MYO18B: variants seen among roughly 807,000 people sequenced by gnomAD.
The protein encoded by MYO18B is unconventional myosin-XVIIIb.
In MYO18B, 204 loss-of-function variants were observed where a neutral mutation model predicts 273.0. The ratio of observed to expected loss-of-function variants is 0.75; its 90% CI spans 0.67 to 0.84. The LOEUF (loss-of-function observed/expected upper bound fraction) is 0.84. Among genes scored for constraint, MYO18B ranks in the 40% least tolerant of loss-of-function variants. The pLI, the probability that MYO18B is intolerant of heterozygous loss-of-function variation, is 0.00. For missense variants in MYO18B, 3,212 were observed against 3,287.6 expected (o/e 0.98, Z 0.56); for synonymous variants, 1,330 against 1,305.7 (o/e 1.02, Z -0.40).
chr22:26,007,809 A>G (rs1349418241), intron 42 of MYO18B, among the ~76,000 whole-genome samples: 1 of 152,200 alleles, frequency 6.6e-6, no homozygotes, highest in African/African-American at 2.4e-5. Context: ...AGCTCTTTTT[A>G]ATTGCACAAG....
At chr22:25,969,245 G>A (rs1438057357) in intron 39 of MYO18B, among the ~76,000 whole-genome samples, 2 of 152,170 alleles carry the variant, frequency 1.3e-5, no homozygotes, top group African/African-American at 4.8e-5. Context: ...TATCTCACCT[G>A]GGAGTTAGCA....
At position 25,839,039 on chromosome 22, in the gene MYO18B, T is replaced by A. The variant is rs1601304170; in HGVS notation, c.3208+3596T>A. ...GTGCACCTGTGTGTGTATGTATGAG[T>A]GTATACATGTGTGTGCATGTGTGTA... On this transcript the variant is annotated intron_variant, in intron 17 of 43. Coordinates refer to ENST00000335473, the MANE Select transcript of MYO18B (RefSeq NM_032608.7). Among the ~76,000 whole-genome samples the A allele has an allele frequency of 2.0e-5, 3 of 151,940 alleles. No individual in the cohort carries two copies. In the East Asian group the frequency reaches 5.8e-4, roughly 29 times the overall value.
chr22:25,809,803 T>C lies in MYO18B; in HGVS notation c.2521+11706T>C, dbSNP rs554404423. 2.6e-5 allele frequency among the ~76,000 whole-genome samples: 4 copies of C among 152,186 alleles called. No homozygotes were observed. In the South Asian group the frequency reaches 8.3e-4, roughly 32 times the overall value. ...GGGGTAGGAAGAAGTGGCTGGATGC[T>C]CTTCAAGCTGTGGTAAGACCTGAGT... On this transcript the variant is annotated intron_variant, in intron 12 of 43. Transcript: ENST00000335473.
At chr22:25,885,572 TG>T (rs1053346556) in intron 25 of MYO18B, among the ~76,000 whole-genome samples, 1 of 151,846 alleles carries the variant, frequency 6.6e-6, no homozygotes, top group Non-Finnish European at 1.5e-5. Context: ...TGTTTGTGTT[TG>T]GGGGGTTGAG....
At position 25,851,506 on chromosome 22, in the gene MYO18B, G is replaced by T; in HGVS notation, c.3812G>T (p.Arg1271Leu). The change falls in exon 21 of 44, where the codon CGG becomes CTG. Residue 1271 changes from arginine (R) to leucine (L), a missense_variant. Coordinates refer to ENST00000335473, the MANE Select transcript of MYO18B (RefSeq NM_032608.7). ...ADHMGLTRFR[R>L]QFQVLDAPLL... ...CACATGGGGCTCACTCGCTTCCGCC[G>T]GCAATTCCAGGTGCTGGACGCTCCA... 1 of 1,559,784 alleles carries T rather than the reference G, an allele frequency of 6.4e-7. No individual in the cohort carries two copies. The highest frequency in any genetic ancestry group is 1.2e-5 in the South Asian group (1 of 84,394).
At position 25,906,468 on chromosome 22, in the gene MYO18B, C is replaced by G. The variant is rs570593905; in HGVS notation, c.5149-1854C>G. ...CCTTTTGCTCCTCACCACGGCATAG[C>G]AGGGAATATTATCAACATTTTAAAA... On this transcript the variant is annotated intron_variant, in intron 31 of 43. Transcript: ENST00000335473. Among the ~76,000 whole-genome samples, 4 of 152,258 alleles carry G rather than the reference C, an allele frequency of 2.6e-5. No homozygotes were observed. The East Asian group carries it at 7.7e-4, about 29-fold the overall frequency.
chr22:25,779,067 A>G (rs977006888), intron 8 of MYO18B, among the ~76,000 whole-genome samples: 57 of 152,200 alleles, frequency 3.7e-4, no homozygotes, highest in African/African-American at 1.3e-3. Context: ...ATGAAATGTT[A>G]ATACCACAGA....
At chr22:25,963,178 T>TCACACACA (rs1555968886) in intron 39 of MYO18B, among the ~76,000 whole-genome samples, 3 of 144,074 alleles carry the variant, frequency 2.1e-5, no homozygotes, top group African/African-American at 7.8e-5. Context: ...TCTCTCTCTC[T>TCACACACA]CACACACACA....
At chr22:25,971,788 TAAAGACTTG>T (rs1379184939) in intron 39 of MYO18B, among the ~76,000 whole-genome samples, 1 of 152,228 alleles carries the variant, frequency 6.6e-6, no homozygotes, top group East Asian at 1.9e-4. Context: ...GGGTCGACAT[TAAAGACTTG>T]TTGTCTGTAA....
intron 39 of MYO18B, among the ~76,000 whole-genome samples, chr22:25,973,196 C>G (rs1478298613): frequency 6.6e-6 from 1 of 152,154 alleles, no homozygotes; most frequent in African/African-American, 2.4e-5. Flanking sequence ...CCAATATTTA[C>G]TAATTGCCGA....
At position 25,769,158 on chromosome 22, in the gene MYO18B, G is replaced by A. The variant is rs777554820; in HGVS notation, c.1242G>A (p.Lys414=). ...GTGAAGCTCGGAGTCAGACAGAGAA[G>A]GGCTGTGAAGCCCCAAAGGAGGTGA... ...NAGEARSQTE[K]GCEAPKEVST... Residue 414 remains lysine, a synonymous_variant, in exon 4 of 44, where the codon AAG becomes AAA. Transcript: ENST00000335473. The A allele has an allele frequency of 6.2e-6, 10 of 1,613,108 alleles. No individual in the cohort carries two copies. The highest frequency in any genetic ancestry group is 7.6e-6 in the Non-Finnish European group (9 of 1,179,582).
intron 12 of MYO18B, among the ~76,000 whole-genome samples, chr22:25,806,319 C>T (rs2088475702): frequency 6.6e-6 from 1 of 152,174 alleles, no homozygotes; most frequent in Non-Finnish European, 1.5e-5. Context: ...TGCCCTGACT[C>T]TAGGACACCT....
At chr22:25,890,942 G>A (rs900884872) in intron 26 of MYO18B, 67 bp downstream of exon 26, 7 of 1,557,486 alleles carry the variant, frequency 4.5e-6, no homozygotes, top group East Asian at 2.3e-5. Context: ...TCTGCTCCCC[G>A]ACCCTCTCAT....
the MYO18B span, among the ~76,000 whole-genome samples, chr22:26,061,028 A>C: frequency 9.8e-6 from 1 of 101,768 alleles, no homozygotes; most frequent in Admixed American, 8.7e-5. Flanking sequence ...CACACACACA[A>C]TTCAGTCAGC....
Position 25,777,691 on chromosome 22 carries a change from G to A in MYO18B, c.1978G>A (p.Gly660Ser), listed in dbSNP as rs762938249. The change falls in exon 8 of 44, where the codon GGC becomes AGC. Residue 660 changes from glycine (G) to serine (S), a missense_variant. Physicochemically the swap from Gly to Ser is moderately conservative, Grantham distance 56. Coordinates refer to ENST00000335473, the MANE Select transcript of MYO18B (RefSeq NM_032608.7). ...GAGAGACCAGAGCATTGTGGCCCTG[G>A]GCTGGAGTGGCGCTGGGAAGACCAC... ...QRRDQSIVAL[G>S]WSGAGKTTCC... 1 of 1,613,192 alleles carries A rather than the reference G, an allele frequency of 6.2e-7. No individual in the cohort carries two copies. The highest frequency in any genetic ancestry group is 1.1e-5 in the South Asian group (1 of 90,906).
At chr22:25,921,876 A>G (rs1276470872) in intron 34 of MYO18B, among the ~76,000 whole-genome samples, 1 of 150,012 alleles carries the variant, frequency 6.7e-6, no homozygotes. Context: ...AGGACTAGGT[A>G]TGAGCCAAAT....
chr22:25,759,731 A>T (rs1160049858), intron 1 of MYO18B, among the ~76,000 whole-genome samples: 3 of 152,218 alleles, frequency 2.0e-5, no homozygotes, highest in Non-Finnish European at 4.4e-5. Context: ...AAATATAGTA[A>T]TTGTATGGAG....
rs2086613489 is a variant in MYO18B, at chr22:25,768,950, C to T, written c.1034C>T (p.Ala345Val). ...KDKEGVLLSKAEKTGEPQTQM... is the reference protein window; with the variant it reads ...KDKEGVLLSKVEKTGEPQTQM... ...AAAGAAGGGGTGCTCTTAAGTAAGG[C>T]AGAGAAGACAGGTGAGCCTCAGACC... The change falls in exon 4 of 44, where the codon GCA becomes GTA. Residue 345 changes from alanine to valine, a missense_variant. By Grantham distance (64) the Ala-to-Val change is moderately conservative. Coordinates refer to ENST00000335473, the MANE Select transcript of MYO18B (RefSeq NM_032608.7). The T allele has an allele frequency of 1.2e-6, 2 of 1,611,644 alleles. No individual in the cohort carries two copies. The highest frequency in any genetic ancestry group is 1.1e-5 in the South Asian group (1 of 90,460).
Position 25,978,203 on chromosome 22 carries a change from G to A in MYO18B, c.6157-14160G>A, listed in dbSNP as rs188246369. Among the ~76,000 whole-genome samples, 68 of 152,242 alleles carry A rather than the reference G, an allele frequency of 4.5e-4. No individual in the cohort carries two copies. The East Asian group carries it at 7.3e-3, about 16-fold the overall frequency. ...TTTCCTAGTGGCTTGTACAAATGCT[G>A]GGAGCATAGAAGGGAAAGAAACTAA... On this transcript the variant is annotated intron_variant, in intron 39 of 43. Transcript: ENST00000335473.
Sources: allele counts gnomAD v4.1 joint callset (sites outside exome capture counted in the v4.1 genomes callset), GRCh38; gene constraint gnomAD v4.1.1; transcripts MANE v1.5; gene names NCBI Gene and HGNC (gene_info 2026-07-23, HGNC 2026-07-21).